The following MAD1L1 variants were observed in gnomAD, a reference collection of about 807,000 sequenced individuals.
MAD1L1 encodes mitotic spindle assembly checkpoint protein MAD1.
A neutral mutation model predicts 96.9 loss-of-function variants in MAD1L1; 95 were observed. That is an observed-to-expected ratio of 0.98 (90% CI 0.83 to 1.16). MAD1L1 has a LOEUF of 1.16. MAD1L1 is among the 50% of genes most tolerant of loss of function. The pLI, the probability that MAD1L1 is intolerant of heterozygous loss-of-function variation, is 0.00. For missense variants in MAD1L1, 1,007 were observed against 954.4 expected, an observed-to-expected ratio of 1.06 and a Z score of -0.73; for synonymous variants, 473 against 396.6, an observed-to-expected ratio of 1.19 and a Z score of -2.29.
At chr7:2,171,981 G>A (rs1394389867) in intron 10 of MAD1L1, among the ~76,000 whole-genome samples, 1 of 152,174 alleles carries the variant, frequency 6.6e-6, no homozygotes, top group African/African-American at 2.4e-5. Flanking sequence ...GATGGGAAGA[G>A]CACACGGCAA....
intron 15 of MAD1L1, among the ~76,000 whole-genome samples, chr7:1,978,617 C>T (rs541851173): frequency 6.6e-6 from 1 of 152,244 alleles, no homozygotes; most frequent in African/African-American, 2.4e-5. Flanking sequence ...CCACCCCACA[C>T]CCACACTCAC....
At chr7:2,029,010 C>A (rs1474281445) in intron 12 of MAD1L1, among the ~76,000 whole-genome samples, 1 of 151,956 alleles carries the variant, frequency 6.6e-6, no homozygotes, top group Non-Finnish European at 1.5e-5. Flanking sequence ...TGGAGGGTGG[C>A]GAAGCTTTCT....
chr7:1,955,772 T>C (rs1178579273), intron 16 of MAD1L1, among the ~76,000 whole-genome samples: 12 of 152,076 alleles, frequency 7.9e-5, no homozygotes, highest in African/African-American at 2.4e-4. Context: ...GCAGGGGCTA[T>C]AGGTGTGTTT....
intron 10 of MAD1L1, among the ~76,000 whole-genome samples, chr7:2,171,181 C>T (rs1407451438): frequency 1.3e-5 from 2 of 152,208 alleles, no homozygotes; most frequent in Non-Finnish European, 2.9e-5. Flanking sequence ...AGAGAAGCAA[C>T]GTTTCCTGCG....
intron 18 of MAD1L1, among the ~76,000 whole-genome samples, chr7:1,826,861 G>T (rs1026716870): frequency 6.6e-6 from 1 of 152,212 alleles, no homozygotes; most frequent in African/African-American, 2.4e-5. Context: ...GCGTTATTGG[G>T]GTTTATCTTC....
chr7:1,906,335 C>T (rs1451483579), intron 17 of MAD1L1, among the ~76,000 whole-genome samples: 2 of 152,236 alleles, frequency 1.3e-5, no homozygotes, highest in East Asian at 3.9e-4. Context: ...CATGCTCCCA[C>T]AGCAAGACTT....
At chr7:2,171,015 T>C (rs555587064) in intron 10 of MAD1L1, among the ~76,000 whole-genome samples, 118 of 152,280 alleles carry the variant, frequency 7.7e-4, no homozygotes, top group African/African-American at 2.6e-3. Context: ...AAGAGCACAG[T>C]TGGAACACAG....
At chr7:2,078,810 T>G (rs933416799) in intron 11 of MAD1L1, among the ~76,000 whole-genome samples, 2 of 152,058 alleles carry the variant, frequency 1.3e-5, no homozygotes, top group Admixed American at 6.5e-5. Context: ...TCCACCAGAA[T>G]CTGGGAGGAC....
chr7:1,833,672 G>C (rs1782811761), intron 18 of MAD1L1, among the ~76,000 whole-genome samples: 1 of 152,234 alleles, frequency 6.6e-6, no homozygotes, highest in South Asian at 2.1e-4. Context: ...CAGATGCAGT[G>C]GCTCACGCCT....
At chr7:2,162,590 C>A (rs1790208118) in intron 10 of MAD1L1, among the ~76,000 whole-genome samples, 4 of 136,746 alleles carry the variant, frequency 2.9e-5, no homozygotes, top group Non-Finnish European at 4.6e-5. Flanking sequence ...TCAATAAATA[C>A]TAAAAAAAAA....
At chr7:2,047,792 C>A (rs922567304) in intron 12 of MAD1L1, among the ~76,000 whole-genome samples, 1 of 152,174 alleles carries the variant, frequency 6.6e-6, no homozygotes, top group South Asian at 2.1e-4. Flanking sequence ...GACACATGCA[C>A]ACTCACACAC....
chr7:2,106,179 C>A (rs1031847900), intron 11 of MAD1L1, among the ~76,000 whole-genome samples: 4 of 152,124 alleles, frequency 2.6e-5, no homozygotes, highest in East Asian at 1.9e-4. Context: ...TACGCCTAGG[C>A]TAGGAATTGG....
chr7:1,986,519 C>A (rs966413293), intron 14 of MAD1L1, among the ~76,000 whole-genome samples: 1 of 151,586 alleles, frequency 6.6e-6, no homozygotes, highest in African/African-American at 2.4e-5. Flanking sequence ...GGTTCTACTC[C>A]GCGGCTCCCT....
chr7:1,933,927 C>T (rs1008908809), intron 17 of MAD1L1, among the ~76,000 whole-genome samples: 3 of 152,186 alleles, frequency 2.0e-5, no homozygotes, highest in African/African-American at 7.2e-5. Context: ...GGCGGGTTCT[C>T]AGCTCCACCC....
chr7:1,958,133 T>C (rs1257886260), intron 15 of MAD1L1, among the ~76,000 whole-genome samples: 1 of 151,860 alleles, frequency 6.6e-6, no homozygotes, highest in Non-Finnish European at 1.5e-5. Context: ...TCTTCAGAAA[T>C]GAGGAAAAGA....
At chr7:2,112,675 C>G (rs1787441773) in intron 11 of MAD1L1, among the ~76,000 whole-genome samples, 1 of 152,200 alleles carries the variant, frequency 6.6e-6, no homozygotes. Context: ...GAGCCAGTGT[C>G]AGGGTGTCCA....
At chr7:1,972,904 C>A (rs908078386) in intron 15 of MAD1L1, among the ~76,000 whole-genome samples, 1 of 152,204 alleles carries the variant, frequency 6.6e-6, no homozygotes, top group Non-Finnish European at 1.5e-5. Flanking sequence ...AGACCTCCTC[C>A]CCCACACGGG....
intron 18 of MAD1L1, chr7:1,838,461 C>T (rs1783052007): frequency 3.7e-6 from 1 of 270,554 alleles, no homozygotes; most frequent in Non-Finnish European, 7.5e-6. Flanking sequence ...GGATAAACAA[C>T]CATGGTCTAT....
intron 10 of MAD1L1, among the ~76,000 whole-genome samples, chr7:2,163,759 C>T (rs1294973226): frequency 6.6e-6 from 1 of 152,182 alleles, no homozygotes; most frequent in Non-Finnish European, 1.5e-5. Flanking sequence ...CTGGGGAGCA[C>T]TGGACGCCCT....
Sources: allele counts gnomAD v4.1 joint callset (sites outside exome capture counted in the v4.1 genomes callset), GRCh38; gene constraint gnomAD v4.1.1; transcripts MANE v1.5; gene names NCBI Gene and HGNC (gene_info 2026-07-23, HGNC 2026-07-21).